Variants in MAML3 observed in about 807,000 individuals in gnomAD.
MAML3 encodes mastermind-like protein 3.
A neutral mutation model predicts 101.9 loss-of-function variants in MAML3; 27 were observed. That is an observed-to-expected ratio of 0.27 (90% CI 0.20 to 0.37). The LOEUF (loss-of-function observed/expected upper bound fraction) is 0.37, where lower values mean the gene tolerates loss of function less well. Among genes scored for constraint, MAML3 ranks in the 10% least tolerant of loss-of-function variants. The pLI, the probability that MAML3 is intolerant of heterozygous loss-of-function variation, is 1.00. For missense variants in MAML3, 1,316 were observed against 1,444.9 expected (o/e 0.91, Z 1.45); for synonymous variants, 501 against 555.9 (o/e 0.90, Z 1.39).
intron 1 of MAML3, among the ~76,000 whole-genome samples, chr4:140,083,955 C>T (rs1354721924): frequency 3.7e-5 from 1 of 26,860 alleles, no homozygotes. Flanking sequence ...CACACACACA[C>T]ACACACACAC....
At chr4:140,058,269 C>CT (rs56408865) in intron 1 of MAML3, among the ~76,000 whole-genome samples, 82,934 of 148,492 alleles carry the variant, frequency 0.56, 26,916 homozygotes, top group Non-Finnish European at 0.75. Flanking sequence ...GCTCAGAGTA[C>CT]TTTTTTTTTT....
chr4:139,879,163 GTT>G (rs1732170370), intron 2 of MAML3, among the ~76,000 whole-genome samples: 1 of 152,174 alleles, frequency 6.6e-6, no homozygotes, highest in Non-Finnish European at 1.5e-5. Context: ...TCAGTGTTAT[GTT>G]GCTTTTTGTT....
At position 139,904,273 on chromosome 4, in the gene MAML3, G is replaced by A. The variant is rs142007746; in HGVS notation, c.469-13306C>T. ...GCAAACTAATGAAACTGATAATTTG[G>A]TTCGAACATGTCTCTGTCCTCTCAG... On this transcript the variant is annotated intron_variant, in intron 1 of 4. Transcript: ENST00000509479. Among the ~76,000 whole-genome samples, 516 of 152,294 alleles carry A rather than the reference G, an allele frequency of 3.4e-3. 10 individuals are homozygous for A. Among genetic ancestry groups the A allele is most frequent in the Admixed American group, 0.019 (295 of 15,300 alleles).
At chr4:140,079,991 A>C (rs892407916) in intron 1 of MAML3, among the ~76,000 whole-genome samples, 1 of 152,248 alleles carries the variant, frequency 6.6e-6, no homozygotes, top group Non-Finnish European at 1.5e-5. Flanking sequence ...AATGTTTACA[A>C]AATGCAAGAC....
intron 1 of MAML3, among the ~76,000 whole-genome samples, chr4:140,099,145 T>A (rs553178824): frequency 6.6e-6 from 1 of 152,280 alleles, no homozygotes; most frequent in East Asian, 1.9e-4. Flanking sequence ...CTTTTTGATC[T>A]GTTACATTCC....
Position 140,101,420 on chromosome 4 carries a change from C to T in MAML3, c.468+51440G>A, listed in dbSNP as rs375305435. Among the ~76,000 whole-genome samples, 13 of 152,272 alleles carry T rather than the reference C, an allele frequency of 8.5e-5. No individual in the cohort carries two copies. In the South Asian group the frequency reaches 2.5e-3, roughly 29 times the overall value. Reference sequence around the variant, plus strand: ...CTCTTGGACAGTTGCAGTTGTAATGCACTTGTGTAATGTATAATACACATT... The same window carrying T: ...CTCTTGGACAGTTGCAGTTGTAATGTACTTGTGTAATGTATAATACACATT... On this transcript the variant is annotated intron_variant, in intron 1 of 4. Coordinates refer to ENST00000509479, the MANE Select transcript of MAML3 (RefSeq NM_018717.5).
chr4:139,978,663 A>C (rs759029143), intron 1 of MAML3, among the ~76,000 whole-genome samples: 4 of 149,794 alleles, frequency 2.7e-5, no homozygotes, highest in African/African-American at 4.9e-5. Context: ...CATTCACAAC[A>C]TTCTCTTCCT....
chr4:139,893,131 A>C (rs1477802092), intron 1 of MAML3, among the ~76,000 whole-genome samples: 3 of 152,070 alleles, frequency 2.0e-5, no homozygotes, highest in African/African-American at 7.2e-5. Context: ...CAGAGCCTAG[A>C]ATTCTTTCAC....
chr4:140,027,127 C>A (rs928461076), intron 1 of MAML3, among the ~76,000 whole-genome samples: 4 of 151,788 alleles, frequency 2.6e-5, no homozygotes, highest in African/African-American at 9.7e-5. Context: ...AATGTCCCGA[C>A]TCTATTATCT....
At chr4:139,837,191 C>G (rs911484602) in intron 2 of MAML3, among the ~76,000 whole-genome samples, 4 of 151,338 alleles carry the variant, frequency 2.6e-5, no homozygotes, top group South Asian at 4.3e-4. Flanking sequence ...AGCCCAACAC[C>G]ATCCCTATCA....
intron 1 of MAML3, among the ~76,000 whole-genome samples, chr4:139,966,158 T>C (rs899712457): frequency 6.6e-6 from 1 of 152,026 alleles, no homozygotes; most frequent in African/African-American, 2.4e-5. Context: ...CAAGAAAAAA[T>C]TGCTTCCAAT....
At position 139,890,850 on chromosome 4, in the gene MAML3, T is replaced by C. The variant is rs1732464505; in HGVS notation, c.586A>G (p.Ile196Val). Residue 196 changes from isoleucine (I) to valine (V), a missense_variant, in exon 2 of 5, where the codon ATT (isoleucine) becomes GTT (valine). By Grantham distance (29) the Ile-to-Val change is conservative. Coordinates refer to ENST00000509479, the MANE Select transcript of MAML3 (RefSeq NM_018717.5). This position sits in a 1 kb window ranked among gnomAD's most constrained non-coding sequence, Gnocchi z 4.1. The part of the protein sequence containing the change: ...SPTSKRIRKD[I>V]SAGMEAINNL... ...TTGATGGCTTCCATCCCCGCAGAAA[T>C]GTCCTTTCGAATTCGTTTGCTAGTC... The C allele has an allele frequency of 5.0e-6, 8 of 1,613,972 alleles. No individual in the cohort carries two copies. The highest frequency in any genetic ancestry group is 6.8e-6 in the Non-Finnish European group (8 of 1,179,866).
intron 1 of MAML3, among the ~76,000 whole-genome samples, chr4:140,151,698 G>T (rs1011549515): frequency 4.7e-5 from 6 of 128,050 alleles, no homozygotes; most frequent in Non-Finnish European, 6.8e-5. Context: ...TGCGGGGGGG[G>T]GGGGCACACA....
chr4:140,072,931 G>C (rs1190355279), intron 1 of MAML3, among the ~76,000 whole-genome samples: 1 of 152,096 alleles, frequency 6.6e-6, no homozygotes, highest in African/African-American at 2.4e-5. Flanking sequence ...AAAAGAAACA[G>C]GGGGTCCTAT....
chr4:140,118,894 G>A (rs967368884), intron 1 of MAML3, among the ~76,000 whole-genome samples: 3 of 152,130 alleles, frequency 2.0e-5, no homozygotes, highest in African/African-American at 7.2e-5. Flanking sequence ...GCCTCTGACG[G>A]CACACACAGA....
At chr4:140,012,564 T>C (rs1726579242) in intron 1 of MAML3, among the ~76,000 whole-genome samples, 2 of 152,256 alleles carry the variant, frequency 1.3e-5, no homozygotes, top group African/African-American at 4.8e-5. Context: ...CCTGTCTTCA[T>C]TGTCTCATGA....
Position 139,719,221 on chromosome 4 carries a change from G to C in MAML3, c.*102C>G. ...CCAGCTGCAGTTTTGCTCAGTTTAC[G>C]TGGGTCAAAAAAACAAAAAACAAGG... On this transcript the variant is annotated 3_prime_UTR_variant, in exon 5 of 5. Coordinates refer to ENST00000509479, the MANE Select transcript of MAML3 (RefSeq NM_018717.5). 1 of 1,378,398 alleles carries C rather than the reference G, an allele frequency of 7.3e-7. No homozygotes were observed. The highest frequency in any genetic ancestry group is 1.5e-5 in the South Asian group (1 of 65,180). The allele number at this position is 1,378,398 out of a possible 1,614,324, so 85.4% of individuals were successfully genotyped here. A position where few individuals can be genotyped will look rare whatever the true frequency, so the allele number is the denominator to read the frequency against.
At chr4:139,930,275 A>G (rs918175711) in intron 1 of MAML3, among the ~76,000 whole-genome samples, 4 of 152,230 alleles carry the variant, frequency 2.6e-5, no homozygotes, top group Admixed American at 6.5e-5. Context: ...GGTTCACAAC[A>G]GATGCTAAAA....
chr4:140,067,724 A>G (rs980665980), intron 1 of MAML3, among the ~76,000 whole-genome samples: 3 of 149,334 alleles, frequency 2.0e-5, no homozygotes, highest in Non-Finnish European at 4.4e-5. Context: ...GTCAATCTTA[A>G]TCTTTTTTTT....
Sources: allele counts gnomAD v4.1 joint callset (sites outside exome capture counted in the v4.1 genomes callset), GRCh38; gene constraint gnomAD v4.1.1; non-coding constraint Gnocchi (gnomAD v3.1); transcripts MANE v1.5; gene names NCBI Gene and HGNC (gene_info 2026-07-23, HGNC 2026-07-21).